CNTN5: variants seen among roughly 807,000 people sequenced by gnomAD.
CNTN5 encodes contactin 5.
Under a neutral mutation model 129.1 loss-of-function variants are expected in CNTN5, and 77 were observed. The observed-to-expected ratio is 0.60, with a 90% CI of 0.50 to 0.72. The LOEUF (loss-of-function observed/expected upper bound fraction) is 0.72, where lower values mean the gene tolerates loss of function less well. Ranked by LOEUF, CNTN5 falls within the 30% of genes least tolerant of loss-of-function variation. The probability of loss-of-function intolerance (pLI) is 0.00; values close to 1 mark genes in which losing one functional copy is unlikely to be tolerated. For synonymous variants in CNTN5, 509 were observed against 465.6 expected, an observed-to-expected ratio of 1.09 and a Z score of -1.20; for missense variants, 1,478 against 1,328.8, an observed-to-expected ratio of 1.11 and a Z score of -1.75.
chr11:100,207,033 CACTT>C (rs1245922522), intron 15 of CNTN5, among the ~76,000 whole-genome samples: 3 of 151,966 alleles, frequency 2.0e-5, no homozygotes, highest in African/African-American at 7.2e-5. Context: ...ACTTTGCAAA[CACTT>C]AATGGTTACC....
intron 1 of CNTN5, among the ~76,000 whole-genome samples, chr11:99,218,875 C>T (rs181067655): frequency 7.4e-4 from 113 of 152,124 alleles, no homozygotes; most frequent in African/African-American, 2.6e-3. Flanking sequence ...TTTCTTTGAC[C>T]GCTTTCCCTG....
intron 1 of CNTN5, among the ~76,000 whole-genome samples, chr11:99,223,965 A>G (rs1393174062): frequency 6.6e-6 from 1 of 152,184 alleles, no homozygotes; most frequent in Non-Finnish European, 1.5e-5. Context: ...CTTGTGGTCC[A>G]TATAAATGTT....
intron 13 of CNTN5, among the ~76,000 whole-genome samples, chr11:100,136,802 A>AAAG (rs1946541246): frequency 6.7e-6 from 1 of 150,324 alleles, no homozygotes; most frequent in African/African-American, 2.5e-5. Flanking sequence ...AAAAAAAAAT[A>AAAG]AAGTAACACA....
In CNTN5 at chr11:100,340,534, C is replaced by G. The variant is rs1374015555; in HGVS notation, c.2802C>G (p.Phe934Leu). The part of the protein sequence containing the change: ...ETVKTRGNES[F>L]VILTGLEGNT... ...TCAAAACTAGAGGGAATGAGTCTTT[C>G]GTCATCCTAACAGGATTAGAAGGAA... Residue 934 changes from phenylalanine to leucine, a missense_variant, in exon 22 of 25, where the codon TTC becomes TTG. Transcript: ENST00000524871. The G allele has an allele frequency of 1.2e-6, 2 of 1,613,054 alleles. No individual in the cohort carries two copies. The highest frequency in any genetic ancestry group is 1.7e-6 in the Non-Finnish European group (2 of 1,179,372).
intron 3 of CNTN5, among the ~76,000 whole-genome samples, chr11:99,778,411 A>G (rs1945199277): frequency 6.6e-6 from 1 of 151,822 alleles, no homozygotes; most frequent in South Asian, 2.1e-4. Context: ...CTTATTTCTG[A>G]GTATCTAACA....
chr11:99,901,826 A>G (rs764667190), intron 6 of CNTN5, among the ~76,000 whole-genome samples: 16 of 152,242 alleles, frequency 1.1e-4, no homozygotes, highest in Non-Finnish European at 2.2e-4. Context: ...ACAAGGATAC[A>G]TATGCTACCT....
chr11:100,050,002 C>T (rs1052665718), intron 9 of CNTN5, among the ~76,000 whole-genome samples: 39 of 152,200 alleles, frequency 2.6e-4, no homozygotes, highest in Non-Finnish European at 5.1e-4. Flanking sequence ...TGTGGAGAAA[C>T]AGGAACACTT....
chr11:100,290,871 T>G, intron 18 of CNTN5, among the ~76,000 whole-genome samples: 1 of 151,050 alleles, frequency 6.6e-6, no homozygotes, highest in Non-Finnish European at 1.5e-5. Flanking sequence ...GACAAAGGGC[T>G]AATATCCAGA....
intron 2 of CNTN5, among the ~76,000 whole-genome samples, chr11:99,378,169 TAAC>T (rs1328730146): frequency 6.6e-6 from 1 of 152,154 alleles, no homozygotes; most frequent in African/African-American, 2.4e-5. Context: ...ACACTACTCT[TAAC>T]AATGCTTTGG....
chr11:99,737,776 G>A (rs973908656), intron 3 of CNTN5, among the ~76,000 whole-genome samples: 1 of 152,110 alleles, frequency 6.6e-6, no homozygotes. Flanking sequence ...AGTCCCTAAT[G>A]TAGATTTGTT....
chr11:100,215,301 A>G (rs756246016), intron 15 of CNTN5, among the ~76,000 whole-genome samples: 5 of 152,168 alleles, frequency 3.3e-5, no homozygotes, highest in Non-Finnish European at 5.9e-5. Flanking sequence ...CTTTTTCCAC[A>G]TGATATTGGC....
intron 3 of CNTN5, among the ~76,000 whole-genome samples, chr11:99,800,713 G>A (rs528050071): frequency 6.6e-6 from 1 of 152,072 alleles, no homozygotes; most frequent in Non-Finnish European, 1.5e-5. Context: ...ACTGCTGTTG[G>A]TTTAAAGTAT....
At chr11:100,046,190 T>C (rs191634639) in intron 9 of CNTN5, among the ~76,000 whole-genome samples, 3 of 151,878 alleles carry the variant, frequency 2.0e-5, no homozygotes, top group African/African-American at 4.8e-5. Flanking sequence ...TAATGCTAAA[T>C]GATGAGTTAA....
chr11:99,441,397 T>G (rs923494688), intron 2 of CNTN5, among the ~76,000 whole-genome samples: 1 of 152,178 alleles, frequency 6.6e-6, no homozygotes, highest in Admixed American at 6.5e-5. Flanking sequence ...CTAATTTTTG[T>G]CTAGATCTTT....
chr11:100,011,568 G>C (rs1407692612), intron 9 of CNTN5, among the ~76,000 whole-genome samples: 1 of 152,190 alleles, frequency 6.6e-6, no homozygotes, highest in East Asian at 1.9e-4. Context: ...AATGACCTTT[G>C]CAAACTCATC....
chr11:99,651,739 G>A (rs548781438), intron 3 of CNTN5, among the ~76,000 whole-genome samples: 6 of 151,582 alleles, frequency 4.0e-5, no homozygotes, highest in Non-Finnish European at 7.4e-5. Context: ...CCCTATCAAC[G>A]GCCTCAGGAT....
At chr11:100,163,665 CTTGT>C (rs1223803883) in intron 13 of CNTN5, among the ~76,000 whole-genome samples, 5 of 151,772 alleles carry the variant, frequency 3.3e-5, no homozygotes, top group African/African-American at 1.2e-4. Flanking sequence ...TTCTGCTGAC[CTTGT>C]TTATTTGCTC....
intron 1 of CNTN5, among the ~76,000 whole-genome samples, chr11:99,119,496 T>C (rs969856547): frequency 6.6e-6 from 1 of 152,208 alleles, no homozygotes; most frequent in Non-Finnish European, 1.5e-5. Context: ...CTGCATAGTA[T>C]TCCATGATGT....
intron 3 of CNTN5, among the ~76,000 whole-genome samples, chr11:99,805,381 G>T (rs1188370724): frequency 3.9e-5 from 6 of 152,118 alleles, no homozygotes; most frequent in Non-Finnish European, 1.5e-5. Context: ...AGAGATCTGA[G>T]CTATTTTTAC....
Sources: gnomAD v4.1 joint callset for allele counts (sites outside exome capture counted in the v4.1 genomes callset) on GRCh38, gnomAD v4.1.1 for gene constraint, MANE v1.5 for transcripts, NCBI Gene and HGNC (gene_info 2026-07-23, HGNC 2026-07-21) for gene names.